LRRC4C: variants seen among roughly 807,000 people sequenced by gnomAD.
LRRC4C encodes the protein leucine-rich repeat-containing protein 4C.
A neutral mutation model predicts 33.6 loss-of-function variants in LRRC4C; 5 were observed. The observed-to-expected ratio is 0.15, with a 90% confidence interval of 0.08 to 0.31. The LOEUF is 0.31. Ranked by LOEUF, LRRC4C falls within the 10% of genes least tolerant of loss-of-function variation. The pLI is 1.00. For missense variants in LRRC4C, 560 were observed against 796.7 expected (o/e 0.70, Z 3.58); for synonymous variants, 329 against 302.0 (o/e 1.09, Z -0.93).
chr11:41,269,354 G>T (rs1949249037), intron 1 of LRRC4C, among the ~76,000 whole-genome samples: 1 of 151,878 alleles, frequency 6.6e-6, no homozygotes, highest in Non-Finnish European at 1.5e-5. Flanking sequence ...CATCTAAATT[G>T]CCTTGCCCAC....
chr11:40,635,588 A>G (rs1341120540), intron 3 of LRRC4C, among the ~76,000 whole-genome samples: 1 of 151,194 alleles, frequency 6.6e-6, no homozygotes, highest in Non-Finnish European at 1.5e-5. Context: ...AAAAAGCTAT[A>G]TAAAGATGCT....
At chr11:41,090,741 G>A (rs995280060) in intron 1 of LRRC4C, among the ~76,000 whole-genome samples, 5 of 152,030 alleles carry the variant, frequency 3.3e-5, no homozygotes, top group Non-Finnish European at 4.4e-5. Context: ...ATGTTCCTGC[G>A]ATAGTGAGTT....
intron 5 of LRRC4C, among the ~76,000 whole-genome samples, chr11:40,233,093 T>C (rs572620348): frequency 1.3e-5 from 2 of 152,344 alleles, no homozygotes; most frequent in East Asian, 3.9e-4. Flanking sequence ...AATCCCTTTA[T>C]TTTAATGCCT....
At chr11:40,866,867 C>T (rs542570478) in intron 2 of LRRC4C, among the ~76,000 whole-genome samples, 2 of 152,224 alleles carry the variant, frequency 1.3e-5, no homozygotes, top group African/African-American at 4.8e-5. Context: ...ATCCTGTAGC[C>T]TCACAGACCA....
chr11:40,434,770 T>G (rs1360899216), intron 3 of LRRC4C, among the ~76,000 whole-genome samples: 1 of 152,162 alleles, frequency 6.6e-6, no homozygotes, highest in Non-Finnish European at 1.5e-5. Context: ...TCTGAACAAT[T>G]GTGACTAAAG....
chr11:40,858,088 T>C (rs554781657), intron 2 of LRRC4C, among the ~76,000 whole-genome samples: 2 of 151,838 alleles, frequency 1.3e-5, no homozygotes, highest in East Asian at 3.9e-4. Flanking sequence ...ATGTGTTAAC[T>C]ACTGCCCAAT....
chr11:41,214,083 C>A (rs1458624125), intron 1 of LRRC4C, among the ~76,000 whole-genome samples: 2 of 152,172 alleles, frequency 1.3e-5, no homozygotes, highest in African/African-American at 2.4e-5. Context: ...ATCTGCAAGT[C>A]TGTGAAATAC....
chr11:41,041,844 T>C (rs1857458645), intron 1 of LRRC4C, among the ~76,000 whole-genome samples: 1 of 152,164 alleles, frequency 6.6e-6, no homozygotes, highest in Admixed American at 6.5e-5. Context: ...ATACATATAG[T>C]CACACAATTA....
chr11:41,257,568 T>A (rs1161629739), intron 1 of LRRC4C, among the ~76,000 whole-genome samples: 2 of 152,078 alleles, frequency 1.3e-5, no homozygotes, highest in Admixed American at 1.3e-4. Context: ...ATTCTGATAT[T>A]TAGTGAACAC....
At chr11:41,192,588 C>G (rs1261749244) in intron 1 of LRRC4C, among the ~76,000 whole-genome samples, 1 of 152,042 alleles carries the variant, frequency 6.6e-6, no homozygotes, top group Non-Finnish European at 1.5e-5. Flanking sequence ...TGATGCATCA[C>G]TGTATCTGTA....
In LRRC4C at chr11:40,223,897, T is replaced by C. The variant is rs1319128019; in HGVS notation, c.-96+17622A>G. 2.6e-5 allele frequency among the ~76,000 whole-genome samples: 4 copies of C among 152,246 alleles called. No individual in the cohort carries two copies. In the East Asian group the frequency reaches 7.7e-4, roughly 29 times the overall value. ...TGTAAAGAATCTTCAGTTTCTACAA[T>C]TTATCCTTCAATAGTTTTGTTTCTA... On this transcript the variant is annotated intron_variant, in intron 5 of 6. Transcript: ENST00000528697.
chr11:40,674,611 T>G (rs551171697), intron 2 of LRRC4C, among the ~76,000 whole-genome samples: 1 of 152,148 alleles, frequency 6.6e-6, no homozygotes. Flanking sequence ...AAGTTTTAGG[T>G]ACTATTATAA....
At chr11:40,558,327 C>A (rs550140749) in intron 3 of LRRC4C, among the ~76,000 whole-genome samples, 1 of 152,118 alleles carries the variant, frequency 6.6e-6, no homozygotes, top group African/African-American at 2.4e-5. Flanking sequence ...ATCTGATCAG[C>A]GTAGGGATAC....
At chr11:40,898,366 A>AAAAAAAG (rs71060988) in intron 2 of LRRC4C, among the ~76,000 whole-genome samples, 54,941 of 115,114 alleles carry the variant, frequency 0.48, 18,638 homozygotes, top group Non-Finnish European at 0.67. Flanking sequence ...AAAAAAAAAA[A>AAAAAAAG]AAAAAAGAAA....
intron 1 of LRRC4C, among the ~76,000 whole-genome samples, chr11:41,268,783 C>A (rs963333247): frequency 1.3e-5 from 2 of 151,720 alleles, no homozygotes; most frequent in African/African-American, 4.8e-5. Flanking sequence ...GTGCTTGATG[C>A]TGGTAGTAAA....
intron 1 of LRRC4C, among the ~76,000 whole-genome samples, chr11:41,227,231 CAAATAGTTA>C (rs1947581278): frequency 6.6e-6 from 1 of 151,686 alleles, no homozygotes; most frequent in African/African-American, 2.4e-5. Context: ...CAGTATAGTT[CAAATAGTTA>C]AAATAACCCT....
chr11:41,193,051 G>T (rs1946030081), intron 1 of LRRC4C, among the ~76,000 whole-genome samples: 1 of 152,100 alleles, frequency 6.6e-6, no homozygotes, highest in East Asian at 1.9e-4. Flanking sequence ...TTATGTGAAT[G>T]CAGTCAGGCT....
chr11:40,279,940 C>A (rs1303356266), intron 4 of LRRC4C, among the ~76,000 whole-genome samples: 1 of 152,112 alleles, frequency 6.6e-6, no homozygotes, highest in Non-Finnish European at 1.5e-5. Flanking sequence ...GTAAAGTGTT[C>A]CTTTTTATCT....
intron 4 of LRRC4C, among the ~76,000 whole-genome samples, chr11:40,254,001 T>A (rs963544213): frequency 6.6e-6 from 1 of 152,222 alleles, no homozygotes; most frequent in Non-Finnish European, 1.5e-5. Context: ...AACTATGGGA[T>A]GAATTCCATT....
Sources: allele counts gnomAD v4.1 joint callset (sites outside exome capture counted in the v4.1 genomes callset), GRCh38; gene constraint gnomAD v4.1.1; transcripts MANE v1.5; gene names NCBI Gene and HGNC (gene_info 2026-07-23, HGNC 2026-07-21).